SHANK2: variants seen among roughly 807,000 people sequenced by gnomAD.
SHANK2 encodes SH3 and multiple ankyrin repeat domains protein 2.
SHANK2 carries 43 observed loss-of-function variants against 133.7 expected under a neutral mutation model. That is an observed-to-expected ratio of 0.32 (90% CI 0.25 to 0.41). The LOEUF (loss-of-function observed/expected upper bound fraction) is 0.41. Among genes scored for constraint, SHANK2 ranks in the 10% least tolerant of loss-of-function variants. SHANK2 has a pLI of 1.00. For synonymous variants in SHANK2, 1,017 were observed against 952.8 expected, an observed-to-expected ratio of 1.07 and a Z score of -1.24; for missense variants, 1,994 against 2,235.8, an observed-to-expected ratio of 0.89 and a Z score of 2.18.
At chr11:70,623,563 GGA>G (rs1170586573) in intron 17 of SHANK2, among the ~76,000 whole-genome samples, 1 of 152,236 alleles carries the variant, frequency 6.6e-6, no homozygotes. Flanking sequence ...AAGGAAGGAA[GGA>G]GAGAGGGGAC....
At position 70,804,600 on chromosome 11, in the gene SHANK2, C is replaced by T. The variant is rs544899476; in HGVS notation, c.1663+2402G>A. ...GGAGGTGCTGCTGGGTTCCAGTGTG[C>T]TGGGGAGGGGCAGAGAGGCTGAGGA... On this transcript the variant is annotated intron_variant, in intron 13 of 25. Coordinates refer to ENST00000601538, the MANE Select transcript of SHANK2 (RefSeq NM_012309.5). The surrounding 1 kb of genome is among the most constrained non-coding windows in gnomAD (Gnocchi z 4.1). Among the ~76,000 whole-genome samples, 1 of 152,128 alleles carries T rather than the reference C, an allele frequency of 6.6e-6. No individual in the cohort carries two copies. The highest frequency in any genetic ancestry group is 2.1e-4 in the South Asian group (1 of 4,832).
chr11:70,613,557 C>G (rs2060694733), intron 17 of SHANK2, among the ~76,000 whole-genome samples: 1 of 152,006 alleles, frequency 6.6e-6, no homozygotes, highest in African/African-American at 2.4e-5. Flanking sequence ...TCTGGAAGAC[C>G]TGGCCATGTG....
chr11:70,593,028 C>T (rs2060346705), intron 17 of SHANK2, among the ~76,000 whole-genome samples: 1 of 152,200 alleles, frequency 6.6e-6, no homozygotes, highest in African/African-American at 2.4e-5. Context: ...GGTCCCAGCC[C>T]TGGCCTCGCA....
At chr11:70,815,295 G>A (rs1458285413) in intron 12 of SHANK2, among the ~76,000 whole-genome samples, 1 of 151,888 alleles carries the variant, frequency 6.6e-6, no homozygotes, top group Non-Finnish European at 1.5e-5. Flanking sequence ...AGGGACAGGT[G>A]GACAGGTAGG....
chr11:70,879,670 G>T (rs1590790203), intron 11 of SHANK2, among the ~76,000 whole-genome samples: 1 of 152,242 alleles, frequency 6.6e-6, no homozygotes, highest in African/African-American at 2.4e-5. Flanking sequence ...CCAGTGGCTA[G>T]AAATTCAGGG....
At chr11:70,609,175 G>C (rs1015569436) in intron 17 of SHANK2, among the ~76,000 whole-genome samples, 2 of 152,210 alleles carry the variant, frequency 1.3e-5, no homozygotes, top group Non-Finnish European at 2.9e-5. Flanking sequence ...GCCCTGCTCG[G>C]ACAATGCTGC....
At chr11:70,692,436 C>G (rs534400119) in intron 15 of SHANK2, among the ~76,000 whole-genome samples, 8 of 152,208 alleles carry the variant, frequency 5.3e-5, no homozygotes, top group Non-Finnish European at 1.0e-4. Context: ...ACAACAGGAA[C>G]TGAAGACTCA....
intron 25 of SHANK2, among the ~76,000 whole-genome samples, chr11:70,478,362 T>C (rs1489822044): frequency 6.6e-6 from 1 of 152,174 alleles, no homozygotes; most frequent in Non-Finnish European, 1.5e-5. Flanking sequence ...GTCCCTCCCA[T>C]GAGCCGCCTG....
intron 9 of SHANK2, 30 bp from the exon 10 acceptor site, chr11:71,056,588 T>A (rs1565429037): frequency 1.3e-5 from 2 of 152,284 alleles, no homozygotes; most frequent in East Asian, 3.9e-4. Context: ...AACCTGTTTG[T>A]AAAATGGTAG....
At chr11:70,925,917 A>G (rs1173484770) in intron 10 of SHANK2, among the ~76,000 whole-genome samples, 1 of 152,174 alleles carries the variant, frequency 6.6e-6, no homozygotes, top group Admixed American at 6.5e-5. Context: ...CCATCAATAC[A>G]TAACCTAGTT....
chr11:70,782,483 T>C (rs186582491), intron 14 of SHANK2, among the ~76,000 whole-genome samples: 1 of 152,322 alleles, frequency 6.6e-6, no homozygotes, highest in African/African-American at 2.4e-5. Flanking sequence ...TGCCCTGCTG[T>C]CTGTGGGAGG....
At chr11:70,574,746 G>A (rs1554983865) in intron 17 of SHANK2, among the ~76,000 whole-genome samples, 1 of 152,176 alleles carries the variant, frequency 6.6e-6, no homozygotes, top group Non-Finnish European at 1.5e-5. Flanking sequence ...CAGACCGGGG[G>A]TCTCAGTCTA....
At chr11:70,816,737 C>T (rs570827734) in intron 12 of SHANK2, among the ~76,000 whole-genome samples, 9 of 152,332 alleles carry the variant, frequency 5.9e-5, no homozygotes, top group Non-Finnish European at 1.0e-4. Flanking sequence ...GATCCACCAT[C>T]CAGCATCACC....
At chr11:71,149,787 T>C (rs1225914794) in intron 2 of SHANK2, among the ~76,000 whole-genome samples, 1 of 117,134 alleles carries the variant, frequency 8.5e-6, no homozygotes, top group Non-Finnish European at 1.7e-5. Context: ...GATGGATGAA[T>C]GGATGGATGG....
chr11:70,942,724 G>C (rs1950664969), intron 10 of SHANK2: 1 of 456,486 alleles, frequency 2.2e-6, no homozygotes. Context: ...ATCTCACCAA[G>C]CATCAGTTGC....
chr11:71,092,574 C>T lies in SHANK2; in HGVS notation c.760G>A (p.Gly254Ser), dbSNP rs1369448530. Reference sequence around the variant, plus strand: ...CTGTCTTTATAATCTGGGGATGCACCAAGCTCTAAAAGGGTCTAGGAAAAA... The same window carrying T: ...CTGTCTTTATAATCTGGGGATGCACTAAGCTCTAAAAGGGTCTAGGAAAAA... ...QVALKTLLEL[G>S]ASPDYKDSYG... Residue 254 changes from glycine to serine, a missense_variant, in exon 8 of 26, where the codon GGT becomes AGT. By Grantham distance (56) the Gly-to-Ser change is moderately conservative. Transcript: ENST00000601538. 4 of 1,551,778 alleles carry T rather than the reference C, an allele frequency of 2.6e-6. No individual in the cohort carries two copies. The African/African-American group carries it at 4.1e-5, about 16-fold the overall frequency.
At chr11:71,111,116 T>G (rs1391466517) in intron 5 of SHANK2, among the ~76,000 whole-genome samples, 2 of 152,250 alleles carry the variant, frequency 1.3e-5, no homozygotes, top group Non-Finnish European at 2.9e-5. Flanking sequence ...TTGTTGTTTA[T>G]AAGTTACCCA....
At chr11:71,110,934 G>T (rs1206877120) in intron 5 of SHANK2, among the ~76,000 whole-genome samples, 2 of 152,228 alleles carry the variant, frequency 1.3e-5, no homozygotes, top group Non-Finnish European at 2.9e-5. Flanking sequence ...TCGTGAATGG[G>T]ATTAGTGTCC....
At chr11:70,675,460 G>A (rs1168889839) in intron 15 of SHANK2, among the ~76,000 whole-genome samples, 1 of 152,198 alleles carries the variant, frequency 6.6e-6, no homozygotes, top group South Asian at 2.1e-4. Flanking sequence ...GGCAAAGCCA[G>A]GCTGTCTGAA....
Sources: gnomAD v4.1 joint callset for allele counts (sites outside exome capture counted in the v4.1 genomes callset) on GRCh38, gnomAD v4.1.1 for gene constraint, Gnocchi (gnomAD v3.1) non-coding constraint, MANE v1.5 for transcripts, NCBI Gene and HGNC (gene_info 2026-07-23, HGNC 2026-07-21) for gene names.